GLYATL1: variants seen among roughly 807,000 people sequenced by gnomAD.
GLYATL1 encodes the protein glycine N-acyltransferase-like protein 1.
Under a neutral mutation model 20.0 loss-of-function variants are expected in GLYATL1, and 15 were observed. That is an observed-to-expected ratio of 0.75 (90% confidence interval 0.50 to 1.15). The LOEUF (loss-of-function observed/expected upper bound fraction) is 1.15, where lower values mean the gene tolerates loss of function less well. Ranked by LOEUF, GLYATL1 falls within the 50% of genes most tolerant of loss-of-function variation. The pLI is 0.00. For missense variants in GLYATL1, 380 were observed against 368.5 expected (o/e 1.03, Z -0.26); for synonymous variants, 151 against 131.5 (o/e 1.15, Z -1.01).
At chr11:58,906,999 G>A (rs1854907184) in intron 1 of GLYATL1, among the ~76,000 whole-genome samples, 1 of 152,140 alleles carries the variant, frequency 6.6e-6, no homozygotes. Context: ...CCAATTCACA[G>A]GAACAATAAA....
upstream of GLYATL1, among the ~76,000 whole-genome samples, chr11:58,926,842 T>G (rs79721760): frequency 4.5e-3 from 690 of 152,324 alleles, 4 homozygotes; most frequent in African/African-American, 0.015. Context: ...CAGAATAGCT[T>G]AAATGTTGCA....
At position 58,941,445 on chromosome 11, in the gene GLYATL1, C is replaced by A. The variant is rs534866202; in HGVS notation, c.-167+1795C>A. Among the ~76,000 whole-genome samples the A allele has an allele frequency of 5.2e-3, 794 of 152,148 alleles. 6 individuals carry two copies. The highest frequency in any genetic ancestry group is 6.8e-3 in the Non-Finnish European group (461 of 67,986). On this transcript the variant is annotated intron_variant, in intron 1 of 6. Coordinates refer to ENST00000532726, the MANE Select transcript of GLYATL1 (RefSeq NM_001389712.2). ...ATTTTCTTAATCCAGTCTATCATTTCTGGACATTTGGGTTGGTTCCAAGTC... is the reference window on the plus strand; with the variant it reads ...ATTTTCTTAATCCAGTCTATCATTTATGGACATTTGGGTTGGTTCCAAGTC...
intron 1 of GLYATL1, among the ~76,000 whole-genome samples, chr11:58,931,396 A>T (rs1855595739): frequency 1.3e-5 from 2 of 152,212 alleles, no homozygotes; most frequent in Non-Finnish European, 2.9e-5. Context: ...AGGGGTTAGG[A>T]CTATAACATG....
intron 1 of GLYATL1, among the ~76,000 whole-genome samples, chr11:58,942,856 C>T (rs979973800): frequency 4.0e-5 from 6 of 151,878 alleles, no homozygotes; most frequent in African/African-American, 1.2e-4. Flanking sequence ...ACAGAGGAGA[C>T]TGAGAAAAAG....
At position 58,947,427 on chromosome 11, in the gene GLYATL1, A is replaced by G. The variant is rs568136720; in HGVS notation, c.78+262A>G. The G allele has an allele frequency of 1.1e-5, 6 of 526,352 alleles. No homozygotes were observed. In the Admixed American group the frequency reaches 2.1e-4, roughly 18 times the overall value. The allele number at this position is 526,352 out of a possible 1,614,324, so 32.6% of individuals were successfully genotyped here. A position where few individuals can be genotyped will look rare whatever the true frequency, so the allele number is the denominator to read the frequency against. Reference sequence around the variant, plus strand: ...ACGAACATGGTTTGGAGCCTGTCTGAATGGATATGCATTCCAAGGCTGCCA... The same window carrying G: ...ACGAACATGGTTTGGAGCCTGTCTGGATGGATATGCATTCCAAGGCTGCCA... On this transcript the variant is annotated intron_variant, in intron 3 of 6. Transcript: ENST00000532726.
At chr11:58,931,024 A>G (rs1004060986) in intron 1 of GLYATL1, among the ~76,000 whole-genome samples, 5 of 152,184 alleles carry the variant, frequency 3.3e-5, no homozygotes, top group Non-Finnish European at 7.3e-5. Context: ...TTCAGACTAG[A>G]CAGACTATTA....
intron 1 of GLYATL1, among the ~76,000 whole-genome samples, chr11:58,932,659 A>C (rs1855654626): frequency 6.6e-6 from 1 of 152,234 alleles, no homozygotes; most frequent in Non-Finnish European, 1.5e-5. Flanking sequence ...GAATTTCATC[A>C]ACTACAATGA....
intron 1 of GLYATL1, among the ~76,000 whole-genome samples, chr11:58,918,966 T>C (rs1476405180): frequency 1.3e-5 from 2 of 152,212 alleles, no homozygotes; most frequent in Non-Finnish European, 2.9e-5. Context: ...CAGCTAACTG[T>C]AGTGGATCCA....
At chr11:58,912,537 C>G (rs905631918), downstream of GLYATL1, among the ~76,000 whole-genome samples, 1 of 152,234 alleles carries the variant, frequency 6.6e-6, no homozygotes, top group African/African-American at 2.4e-5. Context: ...CAGATGTACT[C>G]ATGTCTCCAT....
chr11:58,919,405 A>G (rs1254332257), intron 1 of GLYATL1, among the ~76,000 whole-genome samples: 1 of 152,140 alleles, frequency 6.6e-6, no homozygotes, highest in African/African-American at 2.4e-5. Context: ...TGTCCAGTTC[A>G]TGTGCTCCAC....
downstream of GLYATL1, among the ~76,000 whole-genome samples, chr11:58,908,799 A>G (rs565362147): frequency 6.6e-6 from 1 of 152,352 alleles, no homozygotes; most frequent in South Asian, 2.1e-4. Context: ...AAAATCATGG[A>G]AAGTACACAC....
intron 1 of GLYATL1, among the ~76,000 whole-genome samples, chr11:58,917,951 T>C (rs2135108076): frequency 6.6e-6 from 1 of 152,334 alleles, no homozygotes; most frequent in African/African-American, 2.4e-5. Context: ...TTTTGCTCTT[T>C]TAAATTTTAT....
chr11:58,914,126 G>C (rs1855112769), intron 1 of GLYATL1, among the ~76,000 whole-genome samples: 1 of 152,160 alleles, frequency 6.6e-6, no homozygotes, highest in Non-Finnish European at 1.5e-5. Context: ...AGAAAAGGTA[G>C]AGAAAGCTAA....
At chr11:58,920,101 G>C (rs1467087996) in intron 1 of GLYATL1, among the ~76,000 whole-genome samples, 1 of 152,172 alleles carries the variant, frequency 6.6e-6, no homozygotes, top group Non-Finnish European at 1.5e-5. Context: ...AGCTGCCATT[G>C]CTGCCTGTTT....
chr11:58,956,175 C>T lies in GLYATL1; in HGVS notation c.*148C>T, dbSNP rs569421073. 943 of 709,986 alleles carry T rather than the reference C, an allele frequency of 1.3e-3. 4 individuals carry two copies. Among genetic ancestry groups the T allele is most frequent in the Middle Eastern group, 2.4e-3 (6 of 2,478 alleles). The allele number at this position is 709,986 out of a possible 1,614,324, so 44.0% of individuals were successfully genotyped here. ...CACCTGGAGCCTTGATGTTAAAAGA[C>T]ACAGCCATGCTCTTGAGGAGCTTAC... On this transcript the variant is annotated 3_prime_UTR_variant, in exon 7 of 7. Transcript: ENST00000532726.
intron 1 of GLYATL1, among the ~76,000 whole-genome samples, chr11:58,913,860 A>G (rs11229693): frequency 0.17 from 25,965 of 152,108 alleles, 2,456 homozygotes; most frequent in East Asian, 0.31. Context: ...ACAAAGGTTC[A>G]GAGGTGGGAG....
At chr11:58,955,522 G>A in intron 6 of GLYATL1, 88 bp from the exon 7 acceptor site, 1 of 1,454,208 alleles carries the variant, frequency 6.9e-7, no homozygotes, top group Non-Finnish European at 9.4e-7. Flanking sequence ...TAAACAAGAA[G>A]AGTTCCTGGG....
chr11:58,918,250 C>T lies in GLYATL1; in HGVS notation n.264+12589C>T, dbSNP rs1299283542. Among the ~76,000 whole-genome samples, 3 of 152,280 alleles carry T rather than the reference C, an allele frequency of 2.0e-5. No individual in the cohort carries two copies. In the South Asian group the frequency reaches 6.2e-4, roughly 32 times the overall value. On this transcript the variant is annotated intron_variant and non_coding_transcript_variant, in intron 1 of 2. Coordinates refer to the GLYATL1 transcript ENST00000534674. ...ACCACTTCTATTAATATTTTAAATC[C>T]ACCAAAGAATGAAAACCAACCTCCT...
upstream of GLYATL1, among the ~76,000 whole-genome samples, chr11:58,937,791 G>A (rs1855901326): frequency 6.6e-6 from 1 of 152,160 alleles, no homozygotes; most frequent in Non-Finnish European, 1.5e-5. Flanking sequence ...TTCCAACGAT[G>A]GCTGCTGCAT....
Sources: gnomAD v4.1 joint callset for allele counts (sites outside exome capture counted in the v4.1 genomes callset) on GRCh38, gnomAD v4.1.1 for gene constraint, MANE v1.5 for transcripts, NCBI Gene and HGNC (gene_info 2026-07-23, HGNC 2026-07-21) for gene names.